Variants in RBFOX1 observed in about 807,000 individuals in gnomAD.
RBFOX1 encodes the protein RNA binding protein fox-1 homolog 1.
A neutral mutation model predicts 57.7 loss-of-function variants in RBFOX1; 8 were observed. The observed-to-expected ratio is 0.14, with a 90% CI of 0.08 to 0.25. The LOEUF (loss-of-function observed/expected upper bound fraction) is 0.25, where lower values mean the gene tolerates loss of function less well. Among genes scored for constraint, RBFOX1 ranks in the 10% least tolerant of loss-of-function variants. The pLI, the probability that RBFOX1 is intolerant of heterozygous loss-of-function variation, is 1.00. For synonymous variants in RBFOX1, 326 were observed against 222.4 expected, an observed-to-expected ratio of 1.47 and a Z score of -4.15; for missense variants, 611 against 548.5, an observed-to-expected ratio of 1.11 and a Z score of -1.14.
chr16:5,772,487 A>T (rs1405995803), intron 3 of RBFOX1, among the ~76,000 whole-genome samples: 1 of 152,182 alleles, frequency 6.6e-6, no homozygotes, highest in Non-Finnish European at 1.5e-5. Context: ...CCATCAGTGT[A>T]ACTTGAAAAT....
chr16:5,740,736 C>T (rs2052742931), intron 3 of RBFOX1, among the ~76,000 whole-genome samples: 1 of 152,160 alleles, frequency 6.6e-6, no homozygotes, highest in African/African-American at 2.4e-5. Context: ...GGCAAAAGGG[C>T]TGTGGGTACT....
intron 3 of RBFOX1, among the ~76,000 whole-genome samples, chr16:6,781,616 A>C (rs749606231): frequency 5.3e-5 from 8 of 152,138 alleles, no homozygotes; most frequent in African/African-American, 7.2e-5. Flanking sequence ...TTATTGATTT[A>C]TCCATGTTTA....
intron 2 of RBFOX1, among the ~76,000 whole-genome samples, chr16:6,538,945 A>G (rs2096772836): frequency 6.6e-6 from 1 of 152,022 alleles, no homozygotes; most frequent in Non-Finnish European, 1.5e-5. Context: ...TTGGAAAGGG[A>G]AGAGTTGTTG....
At chr16:5,478,267 T>C (rs1017472416) in intron 2 of RBFOX1, among the ~76,000 whole-genome samples, 2 of 152,052 alleles carry the variant, frequency 1.3e-5, no homozygotes, top group Non-Finnish European at 2.9e-5. Flanking sequence ...ATTCACATTG[T>C]CCGATCCAAG....
chr16:7,131,341 C>CTTTTTT (rs34213849), intron 4 of RBFOX1, among the ~76,000 whole-genome samples: 1 of 71,746 alleles, frequency 1.4e-5, no homozygotes, highest in Non-Finnish European at 2.4e-5. Flanking sequence ...GCGAGACTGT[C>CTTTTTT]TTTTTTTTTT....
intron 1 of RBFOX1, among the ~76,000 whole-genome samples, chr16:6,137,239 A>T (rs1167403175): frequency 6.6e-6 from 1 of 152,198 alleles, no homozygotes; most frequent in African/African-American, 2.4e-5. Context: ...CCATTTATTG[A>T]ATTCCTACTA....
intron 2 of RBFOX1, among the ~76,000 whole-genome samples, chr16:6,552,040 T>A (rs186300369): frequency 7.9e-5 from 12 of 152,224 alleles, no homozygotes; most frequent in African/African-American, 2.9e-4. Context: ...AGGATGAATT[T>A]CCATGCCTCC....
intron 4 of RBFOX1, among the ~76,000 whole-genome samples, chr16:7,197,415 G>C (rs531627626): frequency 4.2e-5 from 6 of 143,162 alleles, no homozygotes; most frequent in African/African-American, 1.6e-4. Context: ...TAGTCATGGG[G>C]AGAGAGCCTA....
At chr16:5,275,306 T>C (rs2063114835) in intron 1 of RBFOX1, among the ~76,000 whole-genome samples, 1 of 152,232 alleles carries the variant, frequency 6.6e-6, no homozygotes, top group African/African-American at 2.4e-5. Context: ...GTTGGGAATA[T>C]TTCAAAGCTT....
At chr16:5,823,874 A>T (rs986534489) in intron 3 of RBFOX1, among the ~76,000 whole-genome samples, 3 of 152,170 alleles carry the variant, frequency 2.0e-5, no homozygotes, top group African/African-American at 7.2e-5. Flanking sequence ...ATATATTACA[A>T]AGTAATAATA....
At chr16:7,229,145 A>C (rs989656361) in intron 4 of RBFOX1, among the ~76,000 whole-genome samples, 4 of 152,238 alleles carry the variant, frequency 2.6e-5, no homozygotes, top group Non-Finnish European at 4.4e-5. Context: ...AAGTAATTTA[A>C]ACATAAAAAG....
At position 7,453,671 on chromosome 16, in the gene RBFOX1, C is replaced by T. The variant is rs75522490; in HGVS notation, c.28-64476C>T. Among the ~76,000 whole-genome samples the T allele has an allele frequency of 2.8e-3, 423 of 152,244 alleles. 3 individuals carry two copies. Among genetic ancestry groups the T allele is most frequent in the African/African-American group, 1.0e-2 (415 of 41,552 alleles). ...TGTAAAACATCCACTTCATGCCAAG[C>T]ACTGGTCAAGGTACTGAGGGTGCCT... On this transcript the variant is annotated intron_variant, in intron 4 of 15. Coordinates refer to ENST00000550418, the MANE Select transcript of RBFOX1 (RefSeq NM_018723.4).
intron 3 of RBFOX1, among the ~76,000 whole-genome samples, chr16:5,605,696 A>C (rs1026501085): frequency 6.6e-6 from 1 of 151,658 alleles, no homozygotes; most frequent in Non-Finnish European, 1.5e-5. Flanking sequence ...TTGATGAGTA[A>C]TGTCTACCTC....
intron 2 of RBFOX1, among the ~76,000 whole-genome samples, chr16:6,487,510 G>A (rs561006739): frequency 6.6e-6 from 1 of 150,808 alleles, no homozygotes; most frequent in Non-Finnish European, 1.5e-5. Context: ...ATTTTGGTTG[G>A]GTTTAAAAGA....
chr16:7,084,268 G>T (rs1173269344), intron 4 of RBFOX1, among the ~76,000 whole-genome samples: 1 of 151,928 alleles, frequency 6.6e-6, no homozygotes, highest in Non-Finnish European at 1.5e-5. Context: ...GTGTATAGAG[G>T]TATGAACTAA....
chr16:6,688,796 C>A (rs907259719), intron 3 of RBFOX1, among the ~76,000 whole-genome samples: 1 of 152,274 alleles, frequency 6.6e-6, no homozygotes, highest in African/African-American at 2.4e-5. Flanking sequence ...TAGCCCACCA[C>A]CTCCCGACAG....
intron 3 of RBFOX1, among the ~76,000 whole-genome samples, chr16:6,691,999 G>C (rs1429193154): frequency 1.3e-5 from 2 of 152,172 alleles, no homozygotes; most frequent in Non-Finnish European, 2.9e-5. Flanking sequence ...TTCCCCTACA[G>C]CTTTCAGAGG....
intron 2 of RBFOX1, among the ~76,000 whole-genome samples, chr16:6,470,710 G>A (rs754041969): frequency 1.3e-5 from 2 of 152,130 alleles, no homozygotes; most frequent in Non-Finnish European, 2.9e-5. Flanking sequence ...CCTGGTCATC[G>A]ATACCACCAT....
At chr16:7,673,212 G>C (rs1392692883) in intron 13 of RBFOX1, among the ~76,000 whole-genome samples, 1 of 152,124 alleles carries the variant, frequency 6.6e-6, no homozygotes, top group Non-Finnish European at 1.5e-5. Context: ...ATTTTCAAAA[G>C]TGATCTAAAG....
Sources: gnomAD v4.1 joint callset for allele counts (sites outside exome capture counted in the v4.1 genomes callset) on GRCh38, gnomAD v4.1.1 for gene constraint, MANE v1.5 for transcripts, NCBI Gene and HGNC (gene_info 2026-07-23, HGNC 2026-07-21) for gene names.